The following MRE11 variants were observed in gnomAD, a reference collection of about 807,000 sequenced individuals.
MRE11 encodes the protein MRE11 double strand break repair nuclease.
Under a neutral mutation model 91.7 loss-of-function variants are expected in MRE11, and 62 were observed. The ratio of observed to expected loss-of-function variants is 0.68; its 90% CI spans 0.55 to 0.84. MRE11 has a LOEUF of 0.84. MRE11 is among the 40% of genes least tolerant of loss of function. MRE11 has a pLI of 0.00. For synonymous variants in MRE11, 273 were observed against 271.4 expected (o/e 1.01, Z -0.06); for missense variants, 796 against 852.9 (o/e 0.93, Z 0.83).
At chr11:94,443,661 C>A (rs527540560) in intron 16 of MRE11, among the ~76,000 whole-genome samples, 4 of 152,100 alleles carry the variant, frequency 2.6e-5, no homozygotes, top group Non-Finnish European at 4.4e-5. Flanking sequence ...CTGGAAAACA[C>A]GAATGCGCCT....
chr11:94,434,859 T>G lies in MRE11; in HGVS notation c.1994+973A>C, dbSNP rs114315091. On this transcript the variant is annotated intron_variant, in intron 18 of 19. Transcript: ENST00000323929. ...AGTTACCTGAAGGCAGAGGCCATAT[T>G]AAAACATTCGTTATGCCCCTCCCTC... is the stretch of plus-strand genomic sequence containing the variant. Among the ~76,000 whole-genome samples the G allele has an allele frequency of 7.1e-3, 1,077 of 152,320 alleles. 9 individuals carry two copies. The highest frequency in any genetic ancestry group is 0.024 in the African/African-American group (988 of 41,570).
chr11:94,461,586 C>T (rs1266890529), intron 11 of MRE11, among the ~76,000 whole-genome samples: 2 of 152,202 alleles, frequency 1.3e-5, no homozygotes, highest in Admixed American at 6.5e-5. Context: ...TCTCTCATCA[C>T]TCCTATTCAA....
chr11:94,467,979 C>T (rs112974272), intron 9 of MRE11, 86 bp from the exon 10 acceptor site: 1 of 998,542 alleles, frequency 1.0e-6, no homozygotes, highest in Non-Finnish European at 1.6e-6. Context: ...CAGGAATTTT[C>T]CTGAACTACA....
At chr11:94,425,766 GA>G (rs1469892595) in intron 19 of MRE11, among the ~76,000 whole-genome samples, 13 of 152,168 alleles carry the variant, frequency 8.5e-5, no homozygotes, top group African/African-American at 3.1e-4. Flanking sequence ...ATTATATAAT[GA>G]TAAACGGTTT....
Position 94,425,241 on chromosome 11 carries a change from C to T in MRE11, c.2070+4670G>A, listed in dbSNP as rs1216922919. On this transcript the variant is annotated intron_variant, in intron 19 of 19. Coordinates refer to ENST00000323929, the MANE Select transcript of MRE11 (RefSeq NM_005591.4). ...AATTCTAACCAAGAATTTCATATCC[C>T]ACCAAACTAAGCTTCATAAGCAAAG... Among the ~76,000 whole-genome samples, 4 of 152,206 alleles carry T rather than the reference C, an allele frequency of 2.6e-5. No homozygotes were observed. In the East Asian group the frequency reaches 7.7e-4, roughly 29 times the overall value.
intron 10 of MRE11, 66 bp from the exon 11 acceptor site, chr11:94,464,305 T>C: frequency 6.3e-7 from 1 of 1,593,238 alleles, no homozygotes. Flanking sequence ...AAACACACAC[T>C]AATCCTTCAG....
upstream of MRE11, chr11:94,496,500 G>A (rs974783884): frequency 2.5e-5 from 13 of 517,726 alleles, no homozygotes; most frequent in African/African-American, 5.8e-5. Flanking sequence ...AGAAAAACAA[G>A]AGTTTAGACA....
chr11:94,509,225 G>A, the MRE11 span, among the ~76,000 whole-genome samples: 38 of 152,048 alleles, frequency 2.5e-4, no homozygotes, highest in Middle Eastern at 0.01. Flanking sequence ...TCTTGATAAC[G>A]TTTTAGAGTA....
rs79874687 is a variant in MRE11, at chr11:94,487,705, G to A, written c.154-1621C>T. Among the ~76,000 whole-genome samples the A allele has an allele frequency of 2.6e-3, 401 of 152,216 alleles. 2 individuals are homozygous for A. Among genetic ancestry groups the A allele is most frequent in the African/African-American group, 9.0e-3 (372 of 41,536 alleles). On this transcript the variant is annotated intron_variant, in intron 3 of 19. Transcript: ENST00000323929. ...TCTGGTTTTCTATGATTATACATGC[G>A]GTTTACTCTCAAATGGTTCAGGAAA...
intron 19 of MRE11, among the ~76,000 whole-genome samples, chr11:94,427,132 A>G (rs986327900): frequency 6.6e-6 from 1 of 152,192 alleles, no homozygotes; most frequent in Non-Finnish European, 1.5e-5. Flanking sequence ...ATGAACACAG[A>G]TGTAAAAATC....
At chr11:94,480,708 GAC>G (rs372086636) in intron 4 of MRE11, among the ~76,000 whole-genome samples, 1 of 152,190 alleles carries the variant, frequency 6.6e-6, no homozygotes, top group African/African-American at 2.4e-5. Flanking sequence ...GCACAAGAGG[GAC>G]AGTTTTCCCC....
At chr11:94,504,454 C>A in the MRE11 span, among the ~76,000 whole-genome samples, 3 of 152,216 alleles carry the variant, frequency 2.0e-5, no homozygotes, top group African/African-American at 7.2e-5. Context: ...ATCAGAAGGA[C>A]CAATTTCTCC....
chr11:94,435,198 T>C (rs1185109909), intron 18 of MRE11, among the ~76,000 whole-genome samples: 1 of 152,136 alleles, frequency 6.6e-6, no homozygotes, highest in Non-Finnish European at 1.5e-5. Context: ...AAAGCTGAAA[T>C]CAAATGATAG....
chr11:94,506,728 A>G, the MRE11 span, among the ~76,000 whole-genome samples: 2 of 151,792 alleles, frequency 1.3e-5, no homozygotes, highest in Admixed American at 6.6e-5. Context: ...AGCTAAGACT[A>G]CAGTGCAAGC....
chr11:94,494,899 A>G (rs563714109), upstream of MRE11, among the ~76,000 whole-genome samples: 17 of 152,288 alleles, frequency 1.1e-4, no homozygotes, highest in East Asian at 3.1e-3. Flanking sequence ...GAATTGATGT[A>G]TGGTCATTTT....
intron 18 of MRE11, among the ~76,000 whole-genome samples, chr11:94,434,118 A>G (rs1945535688): frequency 6.6e-6 from 1 of 152,234 alleles, no homozygotes; most frequent in South Asian, 2.1e-4. Flanking sequence ...GAAAACATTT[A>G]TCTTGGTGGA....
chr11:94,453,814 G>A (rs981306370), intron 14 of MRE11, among the ~76,000 whole-genome samples: 14 of 151,810 alleles, frequency 9.2e-5, no homozygotes, highest in Admixed American at 6.6e-5. Context: ...TTTGAAAGAG[G>A]GTATCAACCC....
intron 9 of MRE11, among the ~76,000 whole-genome samples, chr11:94,468,255 A>T (rs932661309): frequency 3.9e-5 from 6 of 152,204 alleles, no homozygotes; most frequent in African/African-American, 1.4e-4. Context: ...AGATTTAGGG[A>T]TCAATAAGCA....
the MRE11 span, among the ~76,000 whole-genome samples, chr11:94,504,713 G>T: frequency 2.0e-5 from 3 of 152,200 alleles, no homozygotes; most frequent in African/African-American, 7.2e-5. Flanking sequence ...AAACTGAGAT[G>T]ATTTCTTGAG....
Sources: gnomAD v4.1 joint callset for allele counts (sites outside exome capture counted in the v4.1 genomes callset) on GRCh38, gnomAD v4.1.1 for gene constraint, MANE v1.5 for transcripts, NCBI Gene and HGNC (gene_info 2026-07-23, HGNC 2026-07-21) for gene names.